MGAM2: variants seen among roughly 807,000 people sequenced by gnomAD.
The protein encoded by MGAM2 is probable maltase-glucoamylase 2.
In MGAM2, 98 loss-of-function variants were observed where a neutral mutation model predicts 96.1. That is an observed-to-expected ratio of 1.02 (90% CI 0.87 to 1.21). The LOEUF (loss-of-function observed/expected upper bound fraction) is 1.21. MGAM2 is among the 50% of genes most tolerant of loss of function. The probability of loss-of-function intolerance (pLI) is 0.00; values close to 1 mark genes in which losing one functional copy is unlikely to be tolerated. For missense variants in MGAM2, 2,055 were observed against 1,182.4 expected (o/e 1.74, Z -10.82); for synonymous variants, 749 against 414.8 (o/e 1.81, Z -9.79).
chr7:142,131,470 C>T (rs1239616265), intron 4 of MGAM2, 48 bp from the exon 5 acceptor site: 2 of 692,694 alleles, frequency 2.9e-6, no homozygotes, highest in East Asian at 2.7e-5. Flanking sequence ...AAACCAAACA[C>T]TAAAAGTTAG....
chr7:142,114,145 A>AGAAG (rs1817274882), intron 1 of MGAM2, among the ~76,000 whole-genome samples: 6 of 113,734 alleles, frequency 5.3e-5, no homozygotes, highest in Admixed American at 1.9e-4. Flanking sequence ...AAAGAAAGAA[A>AGAAG]GAAAGAAGGA....
At chr7:142,162,458 A>T (rs868741741) in intron 23 of MGAM2, among the ~76,000 whole-genome samples, 1 of 152,050 alleles carries the variant, frequency 6.6e-6, no homozygotes, top group Middle Eastern at 3.2e-3. Flanking sequence ...CACTTGCCTC[A>T]TATCTATTTC....
chr7:142,163,487 G>T (rs1007196562), intron 23 of MGAM2, among the ~76,000 whole-genome samples: 20 of 152,122 alleles, frequency 1.3e-4, no homozygotes, highest in African/African-American at 4.8e-4. Context: ...TCACCGTGTT[G>T]GTCAGGCTGG....
intron 46 of MGAM2, among the ~76,000 whole-genome samples, chr7:142,210,583 C>G (rs1249305613): frequency 6.6e-6 from 1 of 152,196 alleles, no homozygotes; most frequent in Non-Finnish European, 1.5e-5. Flanking sequence ...GAAGTTCGAA[C>G]TGGGCAGAGC....
rs998719819 is a variant in MGAM2, at chr7:142,160,393, T to C, written c.2345+135T>C. ...CCATCAGTAATCTTCCCCCACTCCT[T>C]TCAAAATTGATCCAAAATTGGCATC... is the stretch of plus-strand genomic sequence containing the variant. On this transcript the variant is annotated intron_variant, in intron 21 of 47. Transcript: ENST00000477922. 9.0e-6 allele frequency: 5 copies of C among 557,936 alleles called. No homozygotes were observed. The African/African-American group carries it at 9.4e-5, about 11-fold the overall frequency. The allele number at this position is 557,936 out of a possible 1,614,324, so 34.6% of individuals were successfully genotyped here. A position where few individuals can be genotyped will look rare whatever the true frequency, so the allele number is the denominator to read the frequency against.
chr7:142,221,249 T>A lies in MGAM2; in HGVS notation c.6738T>A (p.Ser2246=). ...SMTNFLLATM[S]AGNITSNSIS... ...CAAATTTTCTTTTAGCTACAATGTCTGCTGGTAATATAACTAGTAATAGTA... is the reference window on the plus strand; with the variant it reads ...CAAATTTTCTTTTAGCTACAATGTCAGCTGGTAATATAACTAGTAATAGTA... The change falls in exon 48 of 48, where the codon TCT becomes TCA. Residue 2246 remains serine, a synonymous_variant. Coordinates refer to ENST00000477922, the MANE Select transcript of MGAM2 (RefSeq NM_001293626.2). The A allele has an allele frequency of 1.4e-6, 1 of 699,378 alleles. No individual in the cohort carries two copies. The highest frequency in any genetic ancestry group is 1.7e-5 in the African/African-American group (1 of 57,248). The allele number at this position is 699,378 out of a possible 1,614,324, so 43.3% of individuals were successfully genotyped here.
rs186372051 is a variant in MGAM2 at position 142,133,826 on chromosome 7, C to G, written c.576-155C>G. 4.3e-3 allele frequency among the ~76,000 whole-genome samples: 651 copies of G among 152,240 alleles called. 4 individuals are homozygous for G. The highest frequency in any genetic ancestry group is 0.024 in the Middle Eastern group (7 of 294). ...CTGTCTTCCTCTAGAATTAAAGAAC[C>G]AGAGGTGCCCTAGAAAGGCCTTCAA... On this transcript the variant is annotated intron_variant, in intron 6 of 47. Coordinates refer to ENST00000477922, the MANE Select transcript of MGAM2 (RefSeq NM_001293626.2).
intron 36 of MGAM2, among the ~76,000 whole-genome samples, chr7:142,188,302 T>A (rs1423961530): frequency 6.6e-6 from 1 of 152,136 alleles, no homozygotes; most frequent in Non-Finnish European, 1.5e-5. Flanking sequence ...CTCAGAAAGT[T>A]GAATCTTCTC....
intron 15 of MGAM2, 88 bp downstream of exon 15, chr7:142,147,661 T>C (rs1795428746): frequency 1.7e-6 from 1 of 582,436 alleles, no homozygotes. Flanking sequence ...ATGTAATATA[T>C]TGTTCAAATA....
intron 15 of MGAM2, among the ~76,000 whole-genome samples, chr7:142,151,459 T>A (rs1795576488): frequency 6.6e-6 from 1 of 152,248 alleles, no homozygotes; most frequent in South Asian, 2.1e-4. Context: ...TCTCTCATTC[T>A]ATTTTTCCTG....
chr7:142,153,739 C>A (rs1440961298), intron 15 of MGAM2, among the ~76,000 whole-genome samples: 1 of 152,206 alleles, frequency 6.6e-6, no homozygotes, highest in Non-Finnish European at 1.5e-5. Flanking sequence ...ACAACCAGAT[C>A]CAACTAGACA....
intron 1 of MGAM2, among the ~76,000 whole-genome samples, chr7:142,114,024 G>A (rs1220139111): frequency 3.3e-5 from 5 of 151,650 alleles, no homozygotes; most frequent in African/African-American, 9.7e-5. Context: ...CTAGCTACTC[G>A]CGGGGCTGAG....
At chr7:142,150,201 A>C (rs1585165384) in intron 15 of MGAM2, among the ~76,000 whole-genome samples, 1 of 151,994 alleles carries the variant, frequency 6.6e-6, no homozygotes, top group South Asian at 2.1e-4. Flanking sequence ...TCGGCTTCCC[A>C]AAGTGCTGGA....
intron 32 of MGAM2, among the ~76,000 whole-genome samples, chr7:142,182,243 T>C (rs963117210): frequency 6.6e-6 from 1 of 152,168 alleles, no homozygotes; most frequent in Non-Finnish European, 1.5e-5. Context: ...GGCCTTAGGG[T>C]CCAGCACTGG....
intron 45 of MGAM2, among the ~76,000 whole-genome samples, chr7:142,200,466 T>G (rs1230488573): frequency 6.6e-6 from 1 of 152,216 alleles, no homozygotes; most frequent in Non-Finnish European, 1.5e-5. Flanking sequence ...AAATATTAAT[T>G]TGTATGTTTC....
chr7:142,128,860 C>A (rs1794801125), intron 3 of MGAM2, among the ~76,000 whole-genome samples: 1 of 152,134 alleles, frequency 6.6e-6, no homozygotes, highest in Non-Finnish European at 1.5e-5. Flanking sequence ...GGGTCAGAGC[C>A]CCAACAAAAA....
Position 142,171,267 on chromosome 7 carries a change from T to G in MGAM2, c.3183-5T>G. On this transcript the variant is annotated splice_polypyrimidine_tract_variant and splice_region_variant and intron_variant, in intron 27 of 47. Coordinates refer to ENST00000477922, the MANE Select transcript of MGAM2 (RefSeq NM_001293626.2). ...AGCTCAGCGTGATCTGCTTTTGTGT[T>G]GCAGTTGGGATTCTCAACTCCCTGG... 1 of 702,502 alleles carries G rather than the reference T, an allele frequency of 1.4e-6. No homozygotes were observed. The allele number at this position is 702,502 out of a possible 1,614,324, so 43.5% of individuals were successfully genotyped here. A position where few individuals can be genotyped will look rare whatever the true frequency, so the allele number is the denominator to read the frequency against.
chr7:142,208,144 G>T (rs1221242820), intron 45 of MGAM2: 1 of 458,778 alleles, frequency 2.2e-6, no homozygotes, highest in Admixed American at 2.3e-5. Context: ...AAGTACAAGA[G>T]TTGGGATTTC....
chr7:142,157,805 T>C (rs1795778388), intron 17 of MGAM2, 132 bp from the exon 18 acceptor site: 1 of 615,464 alleles, frequency 1.6e-6, no homozygotes. Flanking sequence ...TAGTATCTTT[T>C]CAGTTCTAGA....
Sources: gnomAD v4.1 joint callset for allele counts (sites outside exome capture counted in the v4.1 genomes callset) on GRCh38, gnomAD v4.1.1 for gene constraint, MANE v1.5 for transcripts, NCBI Gene and HGNC (gene_info 2026-07-23, HGNC 2026-07-21) for gene names.